Variants in FRMPD1 observed in about 807,000 individuals in gnomAD.
The protein encoded by FRMPD1 is FERM and PDZ domain containing 1.
A neutral mutation model predicts 117.8 loss-of-function variants in FRMPD1; 76 were observed. The ratio of observed to expected loss-of-function variants is 0.65; its 90% CI spans 0.54 to 0.78. The LOEUF is 0.78. Among genes scored for constraint, FRMPD1 ranks in the 30% least tolerant of loss-of-function variants. The pLI is 0.00. For missense variants in FRMPD1, 1,786 were observed against 1,964.5 expected (o/e 0.91, Z 1.72); for synonymous variants, 783 against 770.4 (o/e 1.02, Z -0.27).
Position 37,745,021 on chromosome 9 carries a change from G to A in FRMPD1, c.2989G>A (p.Asp997Asn), listed in dbSNP as rs1404606877. ...AATCTTACCTCTATCTCAAGACCTG[G>A]ATGGGATTGCCCCCAAAGAACCAAC... is the stretch of plus-strand genomic sequence containing the variant. ...SQILPLSQDL[D>N]GIAPKEPTIE... The change falls in exon 16 of 16, where the codon GAT becomes AAT. Residue 997 changes from aspartate (D) to asparagine (N), a missense_variant. By Grantham distance (23) the Asp-to-Asn change is conservative. Transcript: ENST00000377765. The A allele has an allele frequency of 6.2e-7, 1 of 1,614,150 alleles. No homozygotes were observed. The highest frequency in any genetic ancestry group is 8.5e-7 in the Non-Finnish European group (1 of 1,180,034).
At chr9:37,718,978 C>T in intron 5 of FRMPD1, 91 bp from the exon 6 acceptor site, 1 of 760,826 alleles carries the variant, frequency 1.3e-6, no homozygotes, top group Non-Finnish European at 2.4e-6. Flanking sequence ...CAACAGCTAT[C>T]AAAGTTTCTG....
rs141554719 is a variant in FRMPD1, at chr9:37,718,192, G to C, written c.409-877G>C. 2.6e-3 allele frequency among the ~76,000 whole-genome samples: 390 copies of C among 152,326 alleles called. 2 individuals are homozygous for C. Among genetic ancestry groups the C allele is most frequent in the African/African-American group, 9.0e-3 (373 of 41,576 alleles). ...ATGGCTTCGGTCTGTTGGTGTTTGA[G>C]TCTATGAACACTGTTTCCAACAGTT... On this transcript the variant is annotated intron_variant, in intron 5 of 15. Coordinates refer to ENST00000377765, the MANE Select transcript of FRMPD1 (RefSeq NM_014907.3).
intron 8 of FRMPD1, 122 bp downstream of exon 8, chr9:37,729,975 A>G (rs887508547): frequency 2.0e-6 from 2 of 1,001,062 alleles, no homozygotes; most frequent in Non-Finnish European, 2.9e-6. Flanking sequence ...CTCTTGCCCC[A>G]GAAGGCACAG....
At position 37,729,973 on chromosome 9, in the gene FRMPD1, C is replaced by T. The variant is rs990880408; in HGVS notation, c.738+120C>T. The T allele has an allele frequency of 1.3e-5, 14 of 1,041,554 alleles. No individual in the cohort carries two copies. The African/African-American group carries it at 1.9e-4, about 14-fold the overall frequency. The allele number at this position is 1,041,554 out of a possible 1,614,324, so 64.5% of individuals were successfully genotyped here. A position where few individuals can be genotyped will look rare whatever the true frequency, so the allele number is the denominator to read the frequency against. ...CAGGTTTGATGCACTTTCTCTTGCC[C>T]CAGAAGGCACAGAGCTCACTCAGCC... On this transcript the variant is annotated intron_variant, in intron 8 of 15. Coordinates refer to ENST00000377765, the MANE Select transcript of FRMPD1 (RefSeq NM_014907.3).
In FRMPD1 at chr9:37,711,919, C is replaced by G. The variant is rs186637797; in HGVS notation, c.408+524C>G. Among the ~76,000 whole-genome samples the G allele has an allele frequency of 4.7e-4, 71 of 152,206 alleles. No individual in the cohort carries two copies. The East Asian group carries it at 0.012, about 27-fold the overall frequency. ...TCCTAAACCACCACAGGCCGAGGAGCTCCTTATGTATTATTTAGGGAAAGT... is the reference window on the plus strand; with the variant it reads ...TCCTAAACCACCACAGGCCGAGGAGGTCCTTATGTATTATTTAGGGAAAGT... On this transcript the variant is annotated intron_variant, in intron 5 of 15. Transcript: ENST00000377765.
intron 7 of FRMPD1, among the ~76,000 whole-genome samples, chr9:37,725,767 C>T (rs575184788): frequency 4.6e-5 from 7 of 152,326 alleles, no homozygotes; most frequent in Non-Finnish European, 8.8e-5. Context: ...CCCCACTTTG[C>T]AGAAGAGAAA....
rs1823775263 is a variant in FRMPD1 at position 37,729,671 on chromosome 9, G to A, written c.613-57G>A. On this transcript the variant is annotated intron_variant, in intron 7 of 15. Coordinates refer to ENST00000377765, the MANE Select transcript of FRMPD1 (RefSeq NM_014907.3). Reference sequence around the variant, plus strand: ...AGCTGCACTGAGGAATGGCAGGAAGGCCAGGGAAGTCCTTCCTGTTTCTTG... The same window carrying A: ...AGCTGCACTGAGGAATGGCAGGAAGACCAGGGAAGTCCTTCCTGTTTCTTG... The A allele has an allele frequency of 2.5e-6, 4 of 1,585,756 alleles. No homozygotes were observed. In the South Asian group the frequency reaches 3.4e-5, roughly 13 times the overall value.
At position 37,745,291 on chromosome 9, in the gene FRMPD1, T is replaced by A; in HGVS notation, c.3259T>A (p.Cys1087Ser). The A allele has an allele frequency of 6.2e-7, 1 of 1,611,934 alleles. No homozygotes were observed. The highest frequency in any genetic ancestry group is 1.7e-5 in the Admixed American group (1 of 60,020). ...SPRDEPRSDE[C>S]GINPGEKIAS... ...TAGAGATGAGCCTAGAAGTGATGAA[T>A]GTGGAATAAATCCAGGAGAGAAGAT... Residue 1087 changes from cysteine (C) to serine (S), a missense_variant, in exon 16 of 16, where the codon TGT becomes AGT. Cys to Ser is a moderately radical substitution (Grantham distance 112, BLOSUM62 -1). Transcript: ENST00000377765.
chr9:37,666,444 G>A lies in FRMPD1; in HGVS notation c.-5+15350G>A, dbSNP rs929168259. 3.3e-5 allele frequency among the ~76,000 whole-genome samples: 5 copies of A among 152,012 alleles called. No homozygotes were observed. The South Asian group carries it at 8.3e-4, about 25-fold the overall frequency. On this transcript the variant is annotated intron_variant, in intron 1 of 15. Transcript: ENST00000377765. ...TTTCACATACCTTTTATGCCTCATC[G>A]TCTTCATGCTAAGCTGAACCTTTGG...
At position 37,724,233 on chromosome 9, in the gene FRMPD1, T is replaced by C. The variant is rs1823523404; in HGVS notation, c.525T>C (p.Ser175=). Residue 175 remains serine (S), a synonymous_variant, in exon 7 of 16, where the codon TCT becomes TCC. Coordinates refer to ENST00000377765, the MANE Select transcript of FRMPD1 (RefSeq NM_014907.3). ...VLISGHSQGN[S]LLCMPNVLKL... is the part of the protein sequence containing the mutation. ...ACTCTTGTGTTTTCCAGGGTAATTC[T>C]CTGCTGTGTATGCCCAACGTGCTCA... 1.3e-6 allele frequency: 2 copies of C among 1,568,998 alleles called. No individual in the cohort carries two copies. Among genetic ancestry groups the C allele is most frequent in the Non-Finnish European group, 1.8e-6 (2 of 1,138,832 alleles).
intron 1 of FRMPD1, among the ~76,000 whole-genome samples, chr9:37,690,673 GAGA>G (rs1047327537): frequency 1.3e-5 from 2 of 152,192 alleles, no homozygotes; most frequent in Non-Finnish European, 2.9e-5. Context: ...CAGTCCTCCA[GAGA>G]AGGATTCTCT....
At chr9:37,730,761 T>C (rs368696407) in intron 8 of FRMPD1, among the ~76,000 whole-genome samples, 10 of 152,110 alleles carry the variant, frequency 6.6e-5, no homozygotes, top group African/African-American at 2.2e-4. Flanking sequence ...AACTGGAAGA[T>C]AGGTGAGTGG....
upstream of FRMPD1, among the ~76,000 whole-genome samples, chr9:37,648,104 A>G (rs1820547348): frequency 6.6e-6 from 1 of 151,886 alleles, no homozygotes; most frequent in Non-Finnish European, 1.5e-5. Flanking sequence ...GTCTCCAGGA[A>G]CTCTTATTTT....
intron 7 of FRMPD1, among the ~76,000 whole-genome samples, chr9:37,729,390 A>G (rs1231048233): frequency 3.9e-4 from 56 of 144,492 alleles, no homozygotes; most frequent in Non-Finnish European, 4.4e-4. Context: ...CTCAAAAAAA[A>G]AAAAAAAAAA....
chr9:37,610,611 T>G, the FRMPD1 span, among the ~76,000 whole-genome samples: 1 of 151,166 alleles, frequency 6.6e-6, no homozygotes, highest in Non-Finnish European at 1.5e-5. Context: ...TTTTTTTTTT[T>G]GAGACAGCGT....
At chr9:37,632,441 T>C in the FRMPD1 span, among the ~76,000 whole-genome samples, 39 of 152,322 alleles carry the variant, frequency 2.6e-4, 1 homozygote, top group Admixed American at 4.6e-4. Flanking sequence ...TACATTGGCT[T>C]CAAACATGGC....
intron 1 of FRMPD1, among the ~76,000 whole-genome samples, chr9:37,677,383 A>G (rs944049606): frequency 6.6e-6 from 1 of 152,238 alleles, no homozygotes; most frequent in Non-Finnish European, 1.5e-5. Flanking sequence ...CAGGGTGGCA[A>G]GCAGCTTCAT....
chr9:37,681,610 G>A (rs931926054), intron 1 of FRMPD1, among the ~76,000 whole-genome samples: 3 of 152,226 alleles, frequency 2.0e-5, no homozygotes, highest in African/African-American at 7.2e-5. Flanking sequence ...CATTGGAAAT[G>A]TAATGTGAAC....
chr9:37,637,990 T>TCC, the FRMPD1 span, among the ~76,000 whole-genome samples: 1 of 124,262 alleles, frequency 8.0e-6, no homozygotes, highest in East Asian at 4.2e-4. Flanking sequence ...CTTTCTTTCT[T>TCC]TCTTTCTTTC....
Sources: gnomAD v4.1 joint callset for allele counts (sites outside exome capture counted in the v4.1 genomes callset) on GRCh38, gnomAD v4.1.1 for gene constraint, MANE v1.5 for transcripts, NCBI Gene and HGNC (gene_info 2026-07-23, HGNC 2026-07-21) for gene names.